The following VPS13B variants were observed in gnomAD, a reference collection of about 807,000 sequenced individuals.
VPS13B encodes the protein intermembrane lipid transfer protein VPS13B.
In VPS13B, 285 loss-of-function variants were observed where a neutral mutation model predicts 426.4. The ratio of observed to expected loss-of-function variants is 0.67; its 90% CI spans 0.61 to 0.74. The LOEUF (loss-of-function observed/expected upper bound fraction) is 0.74. Among genes scored for constraint, VPS13B ranks in the 30% least tolerant of loss-of-function variants. The probability of loss-of-function intolerance (pLI) is 0.00; values close to 1 mark genes in which losing one functional copy is unlikely to be tolerated. For missense variants in VPS13B, 4,537 were observed against 4,782.6 expected (o/e 0.95, Z 1.51); for synonymous variants, 1,676 against 1,676.4 (o/e 1.00, Z 0.01).
chr8:99,224,855 G>A (rs1588153467), intron 17 of VPS13B, among the ~76,000 whole-genome samples: 3 of 151,852 alleles, frequency 2.0e-5, no homozygotes, highest in Admixed American at 6.6e-5. Context: ...TCTCATTGTG[G>A]GAAGCATACA....
intron 40 of VPS13B, among the ~76,000 whole-genome samples, chr8:99,768,533 C>G (rs887713066): frequency 2.0e-5 from 3 of 152,072 alleles, no homozygotes; most frequent in African/African-American, 7.2e-5. Flanking sequence ...CAATACTGCC[C>G]ATAATTACAA....
chr8:99,433,733 G>A (rs942745662), intron 22 of VPS13B, among the ~76,000 whole-genome samples: 2 of 152,100 alleles, frequency 1.3e-5, no homozygotes, highest in African/African-American at 4.8e-5. Flanking sequence ...TAGTATTCAA[G>A]GAGAAAGCTT....
intron 11 of VPS13B, 70 bp downstream of exon 11, chr8:99,135,803 A>T (rs1484163620): frequency 1.3e-6 from 2 of 1,592,492 alleles, no homozygotes; most frequent in Admixed American, 3.4e-5. Context: ...AATACTTGTG[A>T]TTTCTAGCTT....
chr8:99,274,988 GTTATA>G (rs1367374462), intron 18 of VPS13B, 88 bp from the exon 19 acceptor site: 7 of 1,084,176 alleles, frequency 6.5e-6, no homozygotes, highest in Middle Eastern at 6.0e-4. Flanking sequence ...AAGTTGAAAT[GTTATA>G]TTATGGTGTT....
At chr8:99,673,690 G>A (rs1830808881) in intron 35 of VPS13B, among the ~76,000 whole-genome samples, 1 of 151,732 alleles carries the variant, frequency 6.6e-6, no homozygotes, top group Non-Finnish European at 1.5e-5. Flanking sequence ...GTGTTGTAAT[G>A]TGAGATTGTT....
intron 44 of VPS13B, among the ~76,000 whole-genome samples, chr8:99,813,697 G>T (rs1813859860): frequency 6.6e-6 from 1 of 152,214 alleles, no homozygotes; most frequent in Non-Finnish European, 1.5e-5. Flanking sequence ...TTTTACAGAT[G>T]TGCTCCTTCT....
intron 59 of VPS13B, among the ~76,000 whole-genome samples, chr8:99,869,055 C>T (rs1458315780): frequency 6.6e-6 from 1 of 152,254 alleles, no homozygotes; most frequent in African/African-American, 2.4e-5. Context: ...CGTGCAGCCG[C>T]ATGCACACAC....
Position 99,373,799 on chromosome 8 carries a change from G to T in VPS13B, c.2825-10409G>T, listed in dbSNP as rs1468051086. Among the ~76,000 whole-genome samples the T allele has an allele frequency of 3.3e-5, 5 of 152,166 alleles. 1 individual carries two copies. The highest frequency in any genetic ancestry group is 4.1e-4 in the South Asian group (2 of 4,822). Reference sequence around the variant, plus strand: ...TGAGGCTACAGTGAGCTGTGATCATGCCACTACACTCCATCCTGGGCAACA... The same window carrying T: ...TGAGGCTACAGTGAGCTGTGATCATTCCACTACACTCCATCCTGGGCAACA... On this transcript the variant is annotated intron_variant, in intron 19 of 61. Coordinates refer to ENST00000357162, the MANE Select transcript of VPS13B (RefSeq NM_152564.5).
chr8:99,038,919 T>C (rs1276659281), intron 3 of VPS13B, among the ~76,000 whole-genome samples: 1 of 152,090 alleles, frequency 6.6e-6, no homozygotes, highest in Non-Finnish European at 1.5e-5. Context: ...TCTCTTGACC[T>C]CGTGATCTGC....
rs1329709185 is a variant in VPS13B, at chr8:99,875,995, A to ATGAT, written c.*331_*334dup. 5 of 361,196 alleles carry ATGAT rather than the reference A, an allele frequency of 1.4e-5. No homozygotes were observed. In the East Asian group the frequency reaches 1.9e-4, roughly 14 times the overall value. The allele number at this position is 361,196 out of a possible 1,614,324, so 22.4% of individuals were successfully genotyped here. A position where few individuals can be genotyped will look rare whatever the true frequency, so the allele number is the denominator to read the frequency against. On this transcript the variant is annotated 3_prime_UTR_variant, in exon 62 of 62. Coordinates refer to ENST00000357162, the MANE Select transcript of VPS13B (RefSeq NM_152564.5). ...CGTGTTCCTTCCCCACTTAGAGACA[A>ATGAT]TGATTAACAGGGCCCTATATGTTCT...
rs188265904 is a variant in VPS13B at position 99,509,009 on chromosome 8, C to A, written c.4224+1806C>A. ...ATTAAAACATTTATACATTGAAATACCTTTTATACTCTTTACAGGATTCAA... is the reference window on the plus strand; with the variant it reads ...ATTAAAACATTTATACATTGAAATAACTTTTATACTCTTTACAGGATTCAA... On this transcript the variant is annotated intron_variant, in intron 28 of 61. Transcript: ENST00000357162. 6.3e-3 allele frequency among the ~76,000 whole-genome samples: 961 copies of A among 152,036 alleles called. 7 individuals carry two copies. Among genetic ancestry groups the A allele is most frequent in the African/African-American group, 0.022 (902 of 41,478 alleles).
At chr8:99,068,627 T>C (rs988764613) in intron 3 of VPS13B, among the ~76,000 whole-genome samples, 5 of 152,170 alleles carry the variant, frequency 3.3e-5, no homozygotes, top group Non-Finnish European at 5.9e-5. Flanking sequence ...TGACTCACAG[T>C]TCTGCATTGC....
At position 99,877,510 on chromosome 8, in the gene VPS13B, A is replaced by G. The variant is rs1447698311; in HGVS notation, c.*1844A>G. 1 of 152,614 alleles carries G rather than the reference A, an allele frequency of 6.6e-6. No individual in the cohort carries two copies. The highest frequency in any genetic ancestry group is 1.5e-5 in the Non-Finnish European group (1 of 68,040). 9.5% of individuals were successfully genotyped at this position (152,614 alleles called of 1,614,324 possible). ...ACCTGGGTTTAATACAGCTCACATC[A>G]CTGAATGTTACACATGAGTTTAAAT... On this transcript the variant is annotated 3_prime_UTR_variant, in exon 62 of 62. Transcript: ENST00000357162.
chr8:99,121,701 C>T (rs980640466), intron 8 of VPS13B: 21 of 927,066 alleles, frequency 2.3e-5, no homozygotes, highest in South Asian at 8.5e-5. Flanking sequence ...CCTATTGAAT[C>T]ATTCAGTTGG....
intron 31 of VPS13B, among the ~76,000 whole-genome samples, chr8:99,560,768 A>G (rs1202723787): frequency 6.6e-6 from 1 of 152,204 alleles, no homozygotes; most frequent in Non-Finnish European, 1.5e-5. Flanking sequence ...CATAACCTCT[A>G]AATATCACAT....
intron 33 of VPS13B, among the ~76,000 whole-genome samples, chr8:99,581,948 G>A (rs994892083): frequency 5.3e-5 from 8 of 152,180 alleles, no homozygotes; most frequent in African/African-American, 1.9e-4. Context: ...CAACAGGCAC[G>A]TTATTTGGGA....
intron 14 of VPS13B, among the ~76,000 whole-genome samples, chr8:99,149,653 G>C (rs1372064045): frequency 6.8e-6 from 1 of 146,206 alleles, no homozygotes; most frequent in South Asian, 2.2e-4. Context: ...TATTTCTTTT[G>C]ATGTTCATAT....
At chr8:99,201,812 C>A (rs1035877960) in intron 17 of VPS13B, among the ~76,000 whole-genome samples, 1 of 152,266 alleles carries the variant, frequency 6.6e-6, no homozygotes, top group East Asian at 1.9e-4. Context: ...GCATTATTTT[C>A]ACTTTTCAAC....
intron 16 of VPS13B, among the ~76,000 whole-genome samples, chr8:99,183,641 G>A (rs1194763734): frequency 1.3e-5 from 2 of 151,940 alleles, no homozygotes; most frequent in Non-Finnish European, 2.9e-5. Flanking sequence ...GAATTGTAGT[G>A]TTTCAGAGTG....
Sources: allele counts gnomAD v4.1 joint callset (sites outside exome capture counted in the v4.1 genomes callset), GRCh38; gene constraint gnomAD v4.1.1; transcripts MANE v1.5; gene names NCBI Gene and HGNC (gene_info 2026-07-23, HGNC 2026-07-21).